The following IPO11 variants were observed in gnomAD, a reference collection of about 807,000 sequenced individuals.
The protein encoded by IPO11 is importin-11.
In IPO11, 66 loss-of-function variants were observed where a neutral mutation model predicts 143.2. The ratio of observed to expected loss-of-function variants is 0.46; its 90% CI spans 0.38 to 0.57. The LOEUF (loss-of-function observed/expected upper bound fraction) is 0.57, where lower values mean the gene tolerates loss of function less well. Ranked by LOEUF, IPO11 falls within the 20% of genes least tolerant of loss-of-function variation. The probability of loss-of-function intolerance (pLI) is 0.00; values close to 1 mark genes in which losing one functional copy is unlikely to be tolerated. For synonymous variants in IPO11, 385 were observed against 377.8 expected (o/e 1.02, Z -0.22); for missense variants, 1,026 against 1,141.0 (o/e 0.90, Z 1.45).
intron 5 of IPO11, among the ~76,000 whole-genome samples, chr5:62,461,175 A>C (rs1745345051): frequency 6.6e-6 from 1 of 152,034 alleles, no homozygotes; most frequent in Non-Finnish European, 1.5e-5. Flanking sequence ...CTCAACTCTG[A>C]ATACAAGGAA....
At chr5:62,571,306 G>A (rs1316839429) in intron 27 of IPO11, among the ~76,000 whole-genome samples, 1 of 152,170 alleles carries the variant, frequency 6.6e-6, no homozygotes, top group Non-Finnish European at 1.5e-5. Context: ...CCTACTGTTT[G>A]TGTGAAGTTG....
intron 18 of IPO11, 36 bp from the exon 19 acceptor site, chr5:62,506,205 A>G (rs1370351656): frequency 4.2e-6 from 5 of 1,191,696 alleles, no homozygotes; most frequent in South Asian, 1.3e-5. Flanking sequence ...CATTTCTATT[A>G]TAAACCTTTT....
chr5:62,417,385 A>T (rs1743336789), intron 1 of IPO11, among the ~76,000 whole-genome samples: 1 of 136,348 alleles, frequency 7.3e-6, no homozygotes, highest in Non-Finnish European at 1.5e-5. Context: ...CAGTCACTGA[A>T]TTTGATGTAG....
chr5:62,592,708 A>G (rs919918596), intron 28 of IPO11, among the ~76,000 whole-genome samples: 3 of 152,126 alleles, frequency 2.0e-5, no homozygotes, highest in African/African-American at 7.2e-5. Flanking sequence ...AAGGGGAAGC[A>G]AACATGTCCT....
chr5:62,627,280 A>G lies in IPO11; in HGVS notation c.2890A>G (p.Ile964Val). Residue 964 changes from isoleucine to valine, a missense_variant, in exon 30 of 30, where the codon ATT becomes GTT. Around this residue, in one of 5 missense-constraint regions of IPO11, gnomAD observed 351 missense variants for 358.9 expected, o/e 0.98. Coordinates refer to ENST00000325324, the MANE Select transcript of IPO11 (RefSeq NM_016338.5). ...QSLMETVDTE[I>V]VTQLQEFLQG... The stretch of plus-strand genomic sequence containing the variant: ...CCTCATGGAAACAGTGGATACGGAG[A>G]TTGTCACCCAGCTACAGGAGTTTTT... 2 of 1,613,934 alleles carry G rather than the reference A, an allele frequency of 1.2e-6. No homozygotes were observed. The highest frequency in any genetic ancestry group is 1.7e-6 in the Non-Finnish European group (2 of 1,179,884).
intron 3 of IPO11, chr5:62,443,342 C>A (rs1333624294): frequency 2.5e-5 from 8 of 326,146 alleles, no homozygotes; most frequent in African/African-American, 8.7e-5. Flanking sequence ...AATGACAAAT[C>A]AACAGCTATA....
rs544553041 is a variant in IPO11 at position 62,510,963 on chromosome 5, C to A, written c.1783-4425C>A. Among the ~76,000 whole-genome samples, 125 of 152,240 alleles carry A rather than the reference C, an allele frequency of 8.2e-4. 2 individuals carry two copies. In the South Asian group the frequency reaches 8.7e-3, roughly 11 times the overall value. On this transcript the variant is annotated intron_variant, in intron 19 of 29. Coordinates refer to ENST00000325324, the MANE Select transcript of IPO11 (RefSeq NM_016338.5). ...GGCCAGGCTGGTTTTGAACTCCTGA[C>A]CTTCAAGCGATCTGCCCTCCTTGGC...
chr5:62,614,369 G>T (rs528748603), intron 29 of IPO11, among the ~76,000 whole-genome samples: 2 of 152,332 alleles, frequency 1.3e-5, no homozygotes, highest in East Asian at 3.9e-4. Flanking sequence ...TTTAATAGTG[G>T]TTCTCAACTG....
intron 21 of IPO11, among the ~76,000 whole-genome samples, chr5:62,527,005 A>C (rs141187207): frequency 4.9e-4 from 71 of 145,318 alleles, no homozygotes; most frequent in African/African-American, 1.6e-3. Context: ...TGTTTTTGTT[A>C]GATGTCTAGA....
At chr5:62,440,756 C>T (rs539036896) in intron 2 of IPO11, among the ~76,000 whole-genome samples, 153 of 152,052 alleles carry the variant, frequency 1.0e-3, no homozygotes, top group African/African-American at 3.6e-3. Flanking sequence ...TGAGGTCAGG[C>T]GTTCAAGACC....
At chr5:62,582,078 C>T (rs534346363) in intron 27 of IPO11, among the ~76,000 whole-genome samples, 1 of 152,246 alleles carries the variant, frequency 6.6e-6, no homozygotes, top group Non-Finnish European at 1.5e-5. Flanking sequence ...GTGATGAAAG[C>T]TTTATAGTTA....
At chr5:62,594,396 A>G (rs1361698231) in intron 28 of IPO11, among the ~76,000 whole-genome samples, 1 of 152,160 alleles carries the variant, frequency 6.6e-6, no homozygotes, top group Non-Finnish European at 1.5e-5. Flanking sequence ...TTTGTATTTC[A>G]CAAAGGTTAC....
At chr5:62,544,949 G>A (rs1308590981) in intron 24 of IPO11, among the ~76,000 whole-genome samples, 3 of 152,164 alleles carry the variant, frequency 2.0e-5, no homozygotes, top group South Asian at 4.1e-4. Context: ...AATAAAAGAG[G>A]ACACAAACAA....
chr5:62,420,539 G>A (rs995871294), intron 1 of IPO11, among the ~76,000 whole-genome samples: 6 of 151,974 alleles, frequency 3.9e-5, no homozygotes, highest in Admixed American at 6.6e-5. Flanking sequence ...AAAATCTTAC[G>A]GGATCACTGT....
At chr5:62,477,828 T>C (rs955688944) in intron 9 of IPO11, among the ~76,000 whole-genome samples, 4 of 152,260 alleles carry the variant, frequency 2.6e-5, no homozygotes, top group African/African-American at 9.6e-5. Flanking sequence ...ATGACATGGA[T>C]AGATGGTATC....
Position 62,569,874 on chromosome 5 carries a change from T to G in IPO11, c.2582+8617T>G, listed in dbSNP as rs558401251. Among the ~76,000 whole-genome samples, 10 of 152,356 alleles carry G rather than the reference T, an allele frequency of 6.6e-5. No individual in the cohort carries two copies. The East Asian group carries it at 1.9e-3, about 29-fold the overall frequency. On this transcript the variant is annotated intron_variant, in intron 27 of 29. Transcript: ENST00000325324. ...TTTACATTATGTATGTTTTCCTTCT[T>G]TTTATATAATCTAATGCAATTTGTA...
chr5:62,485,270 A>C (rs1451039166), intron 11 of IPO11, 149 bp from the exon 12 acceptor site: 1 of 605,866 alleles, frequency 1.7e-6, no homozygotes, highest in East Asian at 3.0e-5. Context: ...ATATAGTAAC[A>C]AAATCTGTGT....
At chr5:62,418,546 A>G (rs930199606) in intron 1 of IPO11, among the ~76,000 whole-genome samples, 7 of 152,248 alleles carry the variant, frequency 4.6e-5, no homozygotes, top group African/African-American at 1.4e-4. Flanking sequence ...AGTTAATAGC[A>G]TTATGCAGAA....
chr5:62,608,366 A>T (rs1745806097), intron 29 of IPO11, among the ~76,000 whole-genome samples: 1 of 152,210 alleles, frequency 6.6e-6, no homozygotes, highest in African/African-American at 2.4e-5. Flanking sequence ...GGGGCCTGGG[A>T]ATCAGGCATA....
Sources: gnomAD v4.1 joint callset for allele counts (sites outside exome capture counted in the v4.1 genomes callset) on GRCh38, gnomAD v4.1.1 for gene constraint, gnomAD v4.1.1 regional missense constraint, MANE v1.5 for transcripts, NCBI Gene and HGNC (gene_info 2026-07-23, HGNC 2026-07-21) for gene names.